The following DNAJA1 variants were observed in gnomAD, a reference collection of about 807,000 sequenced individuals.
DNAJA1 encodes DnaJ heat shock protein family (Hsp40) member A1, also known as dnaJ homolog subfamily A member 1.
In DNAJA1, 26 loss-of-function variants were observed where a neutral mutation model predicts 47.6. The ratio of observed to expected loss-of-function variants is 0.55; its 90% CI spans 0.40 to 0.76. DNAJA1 has a LOEUF of 0.76. Ranked by LOEUF, DNAJA1 falls within the 30% of genes least tolerant of loss-of-function variation. The probability of loss-of-function intolerance (pLI) is 0.00; values close to 1 mark genes in which losing one functional copy is unlikely to be tolerated. For missense variants in DNAJA1, 315 were observed against 485.0 expected, an observed-to-expected ratio of 0.65 and a Z score of 3.29; for synonymous variants, 165 against 158.4, an observed-to-expected ratio of 1.04 and a Z score of -0.31.
At chr9:33,037,208 A>C in intron 8 of DNAJA1, 93 bp downstream of exon 8, 23 of 1,023,770 alleles carry the variant, frequency 2.2e-5, no homozygotes, top group Middle Eastern at 2.5e-4. Flanking sequence ...CAAGTAGCTC[A>C]TGCCTGTAAT....
At chr9:33,038,657 G>T in intron 8 of DNAJA1, 28 bp from the exon 9 acceptor site, 2 of 1,603,638 alleles carry the variant, frequency 1.2e-6, no homozygotes, top group South Asian at 2.2e-5. Context: ...GATGAAATCA[G>T]ATTGAACAGT....
chr9:33,029,776 C>G, intron 3 of DNAJA1, 109 bp from the exon 4 acceptor site: 1 of 786,402 alleles, frequency 1.3e-6, no homozygotes, highest in East Asian at 2.7e-5. Flanking sequence ...CAGATGTACC[C>G]TGTGAGGCTC....
intron 5 of DNAJA1, 78 bp downstream of exon 5, chr9:33,030,745 A>G: frequency 8.2e-7 from 1 of 1,220,698 alleles, no homozygotes; most frequent in South Asian, 1.4e-5. Context: ...TTGTTTAAAA[A>G]TCATTCTTAA....
chr9:33,027,578 C>T (rs1333875935), intron 3 of DNAJA1, among the ~76,000 whole-genome samples: 4 of 151,542 alleles, frequency 2.6e-5, no homozygotes, highest in East Asian at 3.9e-4. Flanking sequence ...GAACAGGCCG[C>T]GTGCTGTGGC....
intron 5 of DNAJA1, among the ~76,000 whole-genome samples, chr9:33,033,244 A>G (rs1653623414): frequency 6.6e-6 from 1 of 151,732 alleles, no homozygotes; most frequent in African/African-American, 2.4e-5. Flanking sequence ...CACATGGGCT[A>G]AGGGAGTGTC....
At position 33,039,030 on chromosome 9, in the gene DNAJA1, AAAGTT is replaced by A; in HGVS notation, c.*130_*134del. On this transcript the variant is annotated 3_prime_UTR_variant, in exon 9 of 9. Coordinates refer to ENST00000330899, the MANE Select transcript of DNAJA1 (RefSeq NM_001539.4). ...TTAATAAACTATAGTAGTGTTTTAA[AAAGTT>A]AAATGAAGAATAAACGCAAATATAA... The A allele has an allele frequency of 1.1e-6, 1 of 923,392 alleles. No individual in the cohort carries two copies. Among genetic ancestry groups the A allele is most frequent in the South Asian group, 1.7e-5 (1 of 58,868 alleles). The allele number at this position is 923,392 out of a possible 1,614,324, so 57.2% of individuals were successfully genotyped here.
Position 33,026,674 on chromosome 9 carries a change from T to A in DNAJA1, c.132+58T>A, listed in dbSNP as rs1313058734. On this transcript the variant is annotated intron_variant, in intron 2 of 8. Transcript: ENST00000330899. ...TAGTTCTTTGCCAGACGTATAGTAT[T>A]TCTATTATGGCCTGAAATCGAGTAT... The A allele has an allele frequency of 1.9e-6, 3 of 1,571,980 alleles. No individual in the cohort carries two copies. In the African/African-American group the frequency reaches 4.1e-5, roughly 22 times the overall value.
intron 8 of DNAJA1, 36 bp from the exon 9 acceptor site, chr9:33,038,649 T>G: frequency 6.3e-7 from 1 of 1,592,416 alleles, no homozygotes; most frequent in Non-Finnish European, 8.6e-7. Context: ...GAGCTAATGA[T>G]GAAATCAGAT....
At chr9:33,030,114 G>T in intron 4 of DNAJA1, 125 bp downstream of exon 4, 1 of 894,778 alleles carries the variant, frequency 1.1e-6, no homozygotes, top group Non-Finnish European at 1.6e-6. Context: ...TAGATTTTGG[G>T]GGAGGAGAGG....
In DNAJA1 at chr9:33,026,750, G is replaced by C. The variant is rs1381401844; in HGVS notation, c.133-63G>C. ...TCGGCCTTTTTAGCTAAGATCAAGTGTAATGTAGCTAGGTAACACTTGTTT... is the reference window on the plus strand; with the variant it reads ...TCGGCCTTTTTAGCTAAGATCAAGTCTAATGTAGCTAGGTAACACTTGTTT... On this transcript the variant is annotated intron_variant, in intron 2 of 8. Coordinates refer to ENST00000330899, the MANE Select transcript of DNAJA1 (RefSeq NM_001539.4). 5.0e-6 allele frequency: 8 copies of C among 1,589,344 alleles called. No homozygotes were observed. In the African/African-American group the frequency reaches 1.1e-4, roughly 22 times the overall value.
chr9:33,025,691 C>T (rs564962104), intron 1 of DNAJA1, among the ~76,000 whole-genome samples: 541 of 120,032 alleles, frequency 4.5e-3, no homozygotes, highest in African/African-American at 0.016. Context: ...TCCGTGCTCG[C>T]TCGGGGTGGG....
At chr9:33,038,094 T>G (rs566322712) in intron 8 of DNAJA1, among the ~76,000 whole-genome samples, 2 of 151,432 alleles carry the variant, frequency 1.3e-5, no homozygotes, top group South Asian at 4.2e-4. Flanking sequence ...AACCTCCACC[T>G]CCTGGGTTCA....
chr9:33,031,958 C>G (rs1315527750), intron 5 of DNAJA1, among the ~76,000 whole-genome samples: 3 of 152,064 alleles, frequency 2.0e-5, no homozygotes, highest in South Asian at 4.1e-4. Flanking sequence ...TGTCAACTTG[C>G]AAAAACATTT....
chr9:33,039,050 C>T lies in DNAJA1; in HGVS notation c.*147C>T, dbSNP rs1277020589. The T allele has an allele frequency of 4.5e-5, 35 of 781,994 alleles. No homozygotes were observed. The highest frequency in any genetic ancestry group is 2.8e-4 in the South Asian group (15 of 53,490). The allele number at this position is 781,994 out of a possible 1,614,324, so 48.4% of individuals were successfully genotyped here. A position where few individuals can be genotyped will look rare whatever the true frequency, so the allele number is the denominator to read the frequency against. ...TTTAAAAAGTTAAATGAAGAATAAA[C>T]GCAAATATAAAAGCTCTGATTTTGC... On this transcript the variant is annotated 3_prime_UTR_variant, in exon 9 of 9. Transcript: ENST00000330899.
chr9:33,033,087 A>G (rs1037938174), intron 5 of DNAJA1, among the ~76,000 whole-genome samples: 1 of 151,638 alleles, frequency 6.6e-6, no homozygotes, highest in African/African-American at 2.4e-5. Context: ...TACATGAGTT[A>G]TGTTCTAAGA....
At chr9:33,028,989 G>A (rs1406264269) in intron 3 of DNAJA1, among the ~76,000 whole-genome samples, 1 of 152,156 alleles carries the variant, frequency 6.6e-6, no homozygotes, top group Non-Finnish European at 1.5e-5. Context: ...CTTGTGGAAG[G>A]ACCACTAGTT....
intron 3 of DNAJA1, among the ~76,000 whole-genome samples, chr9:33,027,661 G>A (rs1339345143): frequency 2.6e-5 from 4 of 151,820 alleles, no homozygotes; most frequent in Admixed American, 2.0e-4. Flanking sequence ...AGACCAGCCT[G>A]GCCAAGATGG....
At chr9:33,029,801 T>A (rs542723081) in intron 3 of DNAJA1, 84 bp from the exon 4 acceptor site, 2 of 1,106,648 alleles carry the variant, frequency 1.8e-6, no homozygotes, top group Non-Finnish European at 2.6e-6. Context: ...TTTATTATTC[T>A]TTGCCACATT....
intron 2 of DNAJA1, 45 bp downstream of exon 2, chr9:33,026,661 A>G (rs1279680094): frequency 1.6e-5 from 25 of 1,579,582 alleles, no homozygotes. Context: ...GTTCTTTGCC[A>G]GACGTATAGT....
Sources: gnomAD v4.1 joint callset for allele counts (sites outside exome capture counted in the v4.1 genomes callset) on GRCh38, gnomAD v4.1.1 for gene constraint, MANE v1.5 for transcripts, NCBI Gene and HGNC (gene_info 2026-07-23, HGNC 2026-07-21) for gene names.